Variants in GRM8 observed in about 807,000 individuals in gnomAD.
GRM8 encodes the protein metabotropic glutamate receptor 8.
GRM8 carries 47 observed loss-of-function variants against 87.2 expected under a neutral mutation model. The ratio of observed to expected loss-of-function variants is 0.54; its 90% CI spans 0.43 to 0.69. The LOEUF (loss-of-function observed/expected upper bound fraction) is 0.69. Among genes scored for constraint, GRM8 ranks in the 30% least tolerant of loss-of-function variants. GRM8 has a pLI of 0.00. For missense variants in GRM8, 1,019 were observed against 1,139.2 expected (o/e 0.89, Z 1.52); for synonymous variants, 396 against 404.5 (o/e 0.98, Z 0.25).
chr7:127,009,066 T>C (rs1416623023), intron 3 of GRM8, among the ~76,000 whole-genome samples: 3 of 151,946 alleles, frequency 2.0e-5, no homozygotes, highest in Non-Finnish European at 2.9e-5. Context: ...GGGAAACCAA[T>C]GATCCAGTTT....
intron 9 of GRM8, among the ~76,000 whole-genome samples, chr7:126,463,935 C>T (rs1335804323): frequency 2.6e-5 from 4 of 151,558 alleles, no homozygotes; most frequent in Non-Finnish European, 4.4e-5. Context: ...TATATATATA[C>T]ATTTTTATTT....
chr7:126,874,579 G>A (rs935873390), intron 6 of GRM8, among the ~76,000 whole-genome samples: 4 of 151,880 alleles, frequency 2.6e-5, no homozygotes, highest in East Asian at 1.9e-4. Flanking sequence ...TCCTCAACAC[G>A]ACCCTGTAAG....
At chr7:126,452,433 T>A (rs1451042292) in intron 9 of GRM8, among the ~76,000 whole-genome samples, 15 of 143,942 alleles carry the variant, frequency 1.0e-4, no homozygotes, top group Non-Finnish European at 9.1e-5. Flanking sequence ...TAAAGTATAA[T>A]AAAAAAAAAA....
intron 8 of GRM8, among the ~76,000 whole-genome samples, chr7:126,598,770 A>G (rs866092271): frequency 6.6e-6 from 1 of 152,148 alleles, no homozygotes; most frequent in African/African-American, 2.4e-5. Flanking sequence ...TGAAGCTTAA[A>G]TGTGAGCATC....
chr7:127,182,871 T>C (rs549273751), intron 2 of GRM8, among the ~76,000 whole-genome samples: 4 of 151,164 alleles, frequency 2.6e-5, no homozygotes, highest in Admixed American at 6.6e-5. Flanking sequence ...ATAAGAATGA[T>C]ACAATGGACT....
At chr7:126,877,829 T>G (rs543391594) in intron 6 of GRM8, among the ~76,000 whole-genome samples, 1 of 152,356 alleles carries the variant, frequency 6.6e-6, no homozygotes, top group African/African-American at 2.4e-5. Flanking sequence ...TGATCAGAGA[T>G]ATAATCTTTG....
intron 3 of GRM8, among the ~76,000 whole-genome samples, chr7:127,089,733 G>A (rs1221100643): frequency 5.9e-5 from 9 of 152,162 alleles, no homozygotes; most frequent in Non-Finnish European, 8.8e-5. Flanking sequence ...TTTACTAAAG[G>A]TACACACACA....
rs1802336587 is a variant in GRM8, at chr7:126,903,621, ATATATGTATATGTGTATATATATAGG to A, written c.1018+325_1018+350del. On this transcript the variant is annotated intron_variant, in intron 5 of 10. Coordinates refer to ENST00000339582, the MANE Select transcript of GRM8 (RefSeq NM_000845.3). ...ACACACTATATACATATATACATAT[ATATATGTATATGTGTATATATATAGG>A]TATATGTGTATATATATATGTATAT... Among the ~76,000 whole-genome samples the A allele has an allele frequency of 2.2e-5, 3 of 139,288 alleles. No homozygotes were observed. In the Admixed American group the frequency reaches 2.2e-4, roughly 10 times the overall value. 91.4% of individuals were successfully genotyped at this position (139,288 alleles called of 152,430 possible).
chr7:127,232,773 G>A (rs1470889093), intron 2 of GRM8, among the ~76,000 whole-genome samples: 1 of 152,088 alleles, frequency 6.6e-6, no homozygotes, highest in Non-Finnish European at 1.5e-5. Flanking sequence ...TTAGGACTCT[G>A]AACTATATCT....
At chr7:127,112,849 A>T (rs1826459483) in intron 2 of GRM8, among the ~76,000 whole-genome samples, 1 of 152,242 alleles carries the variant, frequency 6.6e-6, no homozygotes, top group South Asian at 2.1e-4. Flanking sequence ...AAACACCTTG[A>T]CAGCCCACGG....
intron 9 of GRM8, among the ~76,000 whole-genome samples, chr7:126,515,582 A>G (rs1812050147): frequency 6.6e-6 from 1 of 152,060 alleles, no homozygotes; most frequent in Admixed American, 6.6e-5. Flanking sequence ...CTAAAATCAA[A>G]TTAGCAGCAA....
At chr7:126,509,911 T>C in intron 9 of GRM8, among the ~76,000 whole-genome samples, 1 of 151,918 alleles carries the variant, frequency 6.6e-6, no homozygotes, top group Non-Finnish European at 1.5e-5. Context: ...GCAAATAAGA[T>C]CTGAAAAATA....
intron 9 of GRM8, among the ~76,000 whole-genome samples, chr7:126,476,281 C>T (rs1418953088): frequency 6.6e-6 from 1 of 151,978 alleles, no homozygotes; most frequent in Non-Finnish European, 1.5e-5. Context: ...ATTAGCCAGG[C>T]ATAGTGGCAT....
chr7:126,783,184 C>A (rs990202029), intron 6 of GRM8, among the ~76,000 whole-genome samples: 1 of 152,116 alleles, frequency 6.6e-6, no homozygotes, highest in Non-Finnish European at 1.5e-5. Context: ...ATTTTCTCCC[C>A]CAATGATCTA....
intron 6 of GRM8, among the ~76,000 whole-genome samples, chr7:126,846,670 C>T (rs892866334): frequency 6.6e-6 from 1 of 151,484 alleles, no homozygotes. Context: ...GACTTCCCAA[C>T]TATTTATTAA....
intron 3 of GRM8, among the ~76,000 whole-genome samples, chr7:127,010,041 C>T (rs1169144135): frequency 3.9e-5 from 6 of 151,946 alleles, no homozygotes; most frequent in Non-Finnish European, 8.8e-5. Context: ...CAGGGTTTCA[C>T]CATGTTGGCC....
chr7:126,612,980 T>C (rs189658846), intron 7 of GRM8, among the ~76,000 whole-genome samples: 46 of 152,348 alleles, frequency 3.0e-4, no homozygotes, highest in Non-Finnish European at 1.0e-4. Flanking sequence ...TAATCACCAG[T>C]AGCTGAAGTG....
intron 9 of GRM8, among the ~76,000 whole-genome samples, chr7:126,454,358 G>A (rs2150496043): frequency 6.6e-6 from 1 of 151,836 alleles, no homozygotes; most frequent in South Asian, 2.1e-4. Flanking sequence ...GTAAAATTAT[G>A]AAAATGGTTT....
At chr7:126,824,147 A>G (rs1266027450) in intron 6 of GRM8, among the ~76,000 whole-genome samples, 2 of 152,194 alleles carry the variant, frequency 1.3e-5, no homozygotes, top group Non-Finnish European at 2.9e-5. Context: ...AAATATGGTC[A>G]TCACTGTTAT....
Sources: gnomAD v4.1 joint callset for allele counts (sites outside exome capture counted in the v4.1 genomes callset) on GRCh38, gnomAD v4.1.1 for gene constraint, MANE v1.5 for transcripts, NCBI Gene and HGNC (gene_info 2026-07-23, HGNC 2026-07-21) for gene names.